Variants in TBX15 observed in about 807,000 individuals in gnomAD.
The protein encoded by TBX15 is T-box transcription factor TBX15.
Under a neutral mutation model 53.9 loss-of-function variants are expected in TBX15, and 18 were observed. The observed-to-expected ratio is 0.33, with a 90% CI of 0.23 to 0.49. The LOEUF is 0.49. Among genes scored for constraint, TBX15 ranks in the 20% least tolerant of loss-of-function variants. TBX15 has a pLI of 0.98. For missense variants in TBX15, 692 were observed against 749.5 expected (o/e 0.92, Z 0.90); for synonymous variants, 295 against 278.0 (o/e 1.06, Z -0.61).
intron 1 of TBX15, among the ~76,000 whole-genome samples, chr1:118,935,294 T>G (rs919333722): frequency 3.9e-5 from 6 of 152,204 alleles, no homozygotes; most frequent in African/African-American, 1.4e-4. Context: ...CACAGCTGGT[T>G]ATTTTAATCA....
intron 2 of TBX15, among the ~76,000 whole-genome samples, chr1:118,929,828 C>A (rs181227478): frequency 2.7e-5 from 4 of 147,296 alleles, no homozygotes; most frequent in Non-Finnish European, 6.0e-5. Context: ...AGTAAAAACC[C>A]AAAAAGAATA....
chr1:118,895,716 T>C (rs1488843395), intron 7 of TBX15, among the ~76,000 whole-genome samples: 1 of 152,064 alleles, frequency 6.6e-6, no homozygotes, highest in African/African-American at 2.4e-5. Flanking sequence ...CCCTTGAGTC[T>C]AACTGAAGAC....
intron 1 of TBX15, among the ~76,000 whole-genome samples, chr1:118,938,202 C>A (rs1413787735): frequency 6.6e-6 from 1 of 152,186 alleles, no homozygotes; most frequent in Admixed American, 6.5e-5. Flanking sequence ...AGCAAACACT[C>A]AAATGAGCCT....
chr1:118,899,459 G>C (rs1372192051), intron 6 of TBX15, among the ~76,000 whole-genome samples: 6 of 152,160 alleles, frequency 3.9e-5, no homozygotes, highest in Admixed American at 3.3e-4. Context: ...GTACAGTTGT[G>C]CAGAAAGTAA....
chr1:118,904,477 C>T (rs569560804), intron 6 of TBX15, among the ~76,000 whole-genome samples: 2 of 152,272 alleles, frequency 1.3e-5, no homozygotes, highest in African/African-American at 4.8e-5. Context: ...TCATTCAAAA[C>T]TTGGTGTTAA....
chr1:118,924,782 C>T lies in TBX15; in HGVS notation c.557G>A (p.Gly186Asp), dbSNP rs1348094070. ...TGGGGGCACAGGGGAATCAGCATTGCCAGCCACCATCCACTTGGAGCTATG... is the reference window on the plus strand; with the variant it reads ...TGGGGGCACAGGGGAATCAGCATTGTCAGCCACCATCCACTTGGAGCTATG... ...VYHSSKWMVA[G>D]NADSPVPPRV... The change falls in exon 4 of 8, where the codon GGC (glycine) becomes GAC (aspartate). Residue 186 changes from glycine to aspartate, a missense_variant. Physicochemically the swap from Gly to Asp is moderately conservative, Grantham distance 94 (BLOSUM62 -1). Transcript: ENST00000369429. The T allele has an allele frequency of 6.2e-7, 1 of 1,613,858 alleles. No individual in the cohort carries two copies. Among genetic ancestry groups the T allele is most frequent in the Non-Finnish European group, 8.5e-7 (1 of 1,179,986 alleles).
intron 1 of TBX15, among the ~76,000 whole-genome samples, chr1:118,946,175 A>C (rs977082718): frequency 6.6e-6 from 1 of 152,194 alleles, no homozygotes; most frequent in Non-Finnish European, 1.5e-5. Context: ...AATTTCATAG[A>C]TATCAGAATA....
chr1:118,887,895 T>TATA (rs1363113662), intron 7 of TBX15, among the ~76,000 whole-genome samples: 2 of 152,166 alleles, frequency 1.3e-5, no homozygotes, highest in Non-Finnish European at 2.9e-5. Flanking sequence ...CTGTTGTTAT[T>TATA]ATAATAGTTT....
At chr1:118,914,851 T>G (rs1345099379) in intron 5 of TBX15, among the ~76,000 whole-genome samples, 1 of 152,160 alleles carries the variant, frequency 6.6e-6, no homozygotes, top group African/African-American at 2.4e-5. Context: ...TTATCCAGTC[T>G]CCAAGACTCA....
chr1:118,929,913 T>TA (rs1393795556), intron 2 of TBX15, among the ~76,000 whole-genome samples: 1 of 152,124 alleles, frequency 6.6e-6, no homozygotes, highest in African/African-American at 2.4e-5. Context: ...CCAAAAACTT[T>TA]AAAAAAATTT....
chr1:118,979,988 G>A (rs1571220609), intron 1 of TBX15, among the ~76,000 whole-genome samples: 1 of 152,224 alleles, frequency 6.6e-6, no homozygotes, highest in East Asian at 1.9e-4. Flanking sequence ...AGGGGCCGAG[G>A]GGCCGAGGGC....
chr1:118,956,028 C>T (rs1656679229), intron 1 of TBX15, among the ~76,000 whole-genome samples: 1 of 152,062 alleles, frequency 6.6e-6, no homozygotes, highest in Admixed American at 6.6e-5. Context: ...ATAAAAGAGG[C>T]CCCAGAAAGT....
At chr1:118,893,303 AAGGAAG>A (rs1557872349) in intron 7 of TBX15, among the ~76,000 whole-genome samples, 20 of 136,658 alleles carry the variant, frequency 1.5e-4, no homozygotes, top group Non-Finnish European at 2.2e-4. Flanking sequence ...GGAAGGAAGG[AAGGAAG>A]GAAGGAAAGA....
At chr1:118,891,727 G>T (rs1347712339) in intron 7 of TBX15, among the ~76,000 whole-genome samples, 1 of 152,194 alleles carries the variant, frequency 6.6e-6, no homozygotes, top group Non-Finnish European at 1.5e-5. Flanking sequence ...TGGTAAGCAT[G>T]TTTATACCAT....
chr1:118,892,174 A>G (rs750024791), intron 7 of TBX15, among the ~76,000 whole-genome samples: 1 of 152,164 alleles, frequency 6.6e-6, no homozygotes, highest in Non-Finnish European at 1.5e-5. Flanking sequence ...ATCTAATAAG[A>G]TAGTGACTTT....
At chr1:118,954,434 C>T (rs1204728062) in intron 1 of TBX15, among the ~76,000 whole-genome samples, 2 of 152,160 alleles carry the variant, frequency 1.3e-5, no homozygotes, top group African/African-American at 2.4e-5. Context: ...CTTATCTTTA[C>T]GTGGAGGAAT....
intron 3 of TBX15, among the ~76,000 whole-genome samples, chr1:118,925,228 A>G (rs1385100012): frequency 6.6e-6 from 1 of 152,228 alleles, no homozygotes; most frequent in Non-Finnish European, 1.5e-5. Flanking sequence ...TGCAAACCAT[A>G]TAATCCCTTG....
chr1:118,964,636 G>T (rs1656984811), intron 1 of TBX15, among the ~76,000 whole-genome samples: 3 of 152,200 alleles, frequency 2.0e-5, no homozygotes, highest in African/African-American at 7.2e-5. Context: ...TATTGTAAGT[G>T]TTCAATAAAT....
chr1:118,890,938 G>C, intron 7 of TBX15: 1 of 1,304,104 alleles, frequency 7.7e-7, no homozygotes. Flanking sequence ...CTGATTCACT[G>C]TGTATCCTTG....
Sources: gnomAD v4.1 joint callset for allele counts (sites outside exome capture counted in the v4.1 genomes callset) on GRCh38, gnomAD v4.1.1 for gene constraint, MANE v1.5 for transcripts, NCBI Gene and HGNC (gene_info 2026-07-23, HGNC 2026-07-21) for gene names.